The following CDYL variants were observed in gnomAD, a reference collection of about 807,000 sequenced individuals.
CDYL encodes chromodomain Y like, also known as chromodomain Y-like protein.
CDYL carries 8 observed loss-of-function variants against 47.3 expected under a neutral mutation model. That is an observed-to-expected ratio of 0.17 (90% CI 0.10 to 0.31). The LOEUF (loss-of-function observed/expected upper bound fraction) is 0.31. Ranked by LOEUF, CDYL falls within the 10% of genes least tolerant of loss-of-function variation. The pLI is 1.00. For synonymous variants in CDYL, 266 were observed against 265.0 expected (o/e 1.00, Z -0.04); for missense variants, 471 against 701.4 (o/e 0.67, Z 3.71).
chr6:4,905,958 A>G (rs1221322339), intron 2 of CDYL, among the ~76,000 whole-genome samples: 2 of 152,218 alleles, frequency 1.3e-5, no homozygotes, highest in Non-Finnish European at 2.9e-5. Context: ...TGTCAACAGT[A>G]ATTGTGGGAA....
At position 4,923,477 on chromosome 6, in the gene CDYL, G is replaced by A. The variant is rs1404828448; in HGVS notation, c.692-12038G>A. 2.0e-5 allele frequency among the ~76,000 whole-genome samples: 3 copies of A among 152,052 alleles called. No individual in the cohort carries two copies. The East Asian group carries it at 5.8e-4, about 29-fold the overall frequency. Reference sequence around the variant, plus strand: ...TCTTTATCCATTCATTTGTTGATGGGCACTTAGGTTGGTTTCATATCTTGG... The same window carrying A: ...TCTTTATCCATTCATTTGTTGATGGACACTTAGGTTGGTTTCATATCTTGG... On this transcript the variant is annotated intron_variant, in intron 2 of 6. Transcript: ENST00000397588.
intron 2 of CDYL, among the ~76,000 whole-genome samples, chr6:4,914,221 T>C (rs1442364615): frequency 6.3e-4 from 95 of 150,694 alleles, no homozygotes; most frequent in Non-Finnish European, 5.6e-4. Context: ...TTTTTTTTTT[T>C]CCACACTCTC....
chr6:4,842,478 T>C (rs1369671637), intron 1 of CDYL, among the ~76,000 whole-genome samples: 31 of 151,988 alleles, frequency 2.0e-4, no homozygotes, highest in Non-Finnish European at 1.5e-5. Flanking sequence ...TTTAGGATTG[T>C]GATATTTTTC....
At chr6:4,848,057 A>G (rs184334551) in intron 1 of CDYL, among the ~76,000 whole-genome samples, 36 of 152,338 alleles carry the variant, frequency 2.4e-4, no homozygotes, top group African/African-American at 8.4e-4. Flanking sequence ...ATGGGAAAAT[A>G]TTACTGGCTT....
chr6:4,835,866 G>T (rs927782667), intron 1 of CDYL, among the ~76,000 whole-genome samples: 2 of 152,186 alleles, frequency 1.3e-5, no homozygotes, highest in Admixed American at 1.3e-4. Flanking sequence ...CTCCGTGGGC[G>T]CAGGACCCTC....
At chr6:4,731,042 T>C (rs1007728247) in intron 2 of CDYL, among the ~76,000 whole-genome samples, 1 of 152,258 alleles carries the variant, frequency 6.6e-6, no homozygotes, top group Non-Finnish European at 1.5e-5. Context: ...CTGGAACAAG[T>C]GCAGGTATTC....
Position 4,776,546 on chromosome 6 carries a change from G to T in CDYL, c.-238G>T, listed in dbSNP as rs1758455572. 1.2e-5 allele frequency: 2 copies of T among 172,250 alleles called. No individual in the cohort carries two copies. Among genetic ancestry groups the T allele is most frequent in the South Asian group, 3.6e-4 (2 of 5,588 alleles). The allele number at this position is 172,250 out of a possible 1,614,324, so 10.7% of individuals were successfully genotyped here. ...AGCCCGAGCGCGAGCCGGCCCGCCG[G>T]GGAGTGAGCGCGGGGCGCCCAGGGC... On this transcript the variant is annotated 5_prime_UTR_variant, in exon 1 of 7. Coordinates refer to ENST00000397588, the MANE Select transcript of CDYL (RefSeq NM_004824.4).
intron 2 of CDYL, among the ~76,000 whole-genome samples, chr6:4,898,462 G>A (rs146975413): frequency 7.6e-4 from 116 of 152,296 alleles, no homozygotes; most frequent in African/African-American, 2.6e-3. Context: ...TTCCACATGT[G>A]TTATCTTGCT....
intron 2 of CDYL, among the ~76,000 whole-genome samples, chr6:4,720,892 A>G (rs9405767): frequency 0.13 from 19,511 of 152,182 alleles, 1,531 homozygotes; most frequent in African/African-American, 0.23. Context: ...ATAGCTGTTA[A>G]TATTATCATT....
At chr6:4,737,125 A>T (rs977608803) in intron 3 of CDYL, among the ~76,000 whole-genome samples, 2 of 152,238 alleles carry the variant, frequency 1.3e-5, no homozygotes, top group Non-Finnish European at 2.9e-5. Context: ...GTCTTTAAAA[A>T]TAATAATAAA....
chr6:4,864,063 C>T (rs772544490), intron 1 of CDYL, among the ~76,000 whole-genome samples: 3 of 152,174 alleles, frequency 2.0e-5, no homozygotes, highest in Non-Finnish European at 2.9e-5. Flanking sequence ...TCTGTAATGA[C>T]ACTGACTATG....
intron 1 of CDYL, among the ~76,000 whole-genome samples, chr6:4,850,093 ATAT>A (rs1003385089): frequency 6.6e-6 from 1 of 152,082 alleles, no homozygotes; most frequent in African/African-American, 2.4e-5. Context: ...GGTAAGAGGA[ATAT>A]TATTAGTAGT....
Position 4,827,151 on chromosome 6 carries a change from A to G in CDYL, c.24+50344A>G, listed in dbSNP as rs559678317. On this transcript the variant is annotated intron_variant, in intron 1 of 6. Transcript: ENST00000397588. ...CTCTTGCTTACTATTTACATTTAAT[A>G]TATTTTTTACTACTTTCCCTTTCAA... Among the ~76,000 whole-genome samples, 6 of 152,248 alleles carry G rather than the reference A, an allele frequency of 3.9e-5. No individual in the cohort carries two copies. The East Asian group carries it at 7.7e-4, about 20-fold the overall frequency.
intron 3 of CDYL, among the ~76,000 whole-genome samples, chr6:4,741,676 A>C (rs902384533): frequency 6.6e-5 from 10 of 152,194 alleles, no homozygotes; most frequent in African/African-American, 2.4e-4. Flanking sequence ...GAATTTAATT[A>C]CCTGACCATA....
intron 1 of CDYL, among the ~76,000 whole-genome samples, chr6:4,784,374 A>G (rs1221876322): frequency 6.6e-6 from 1 of 152,156 alleles, no homozygotes; most frequent in Non-Finnish European, 1.5e-5. Flanking sequence ...GTTAATTTGT[A>G]ATGAGAGGGC....
intron 1 of CDYL, among the ~76,000 whole-genome samples, chr6:4,842,001 TAAA>T (rs1760506163): frequency 6.9e-6 from 1 of 145,686 alleles, no homozygotes; most frequent in African/African-American, 2.5e-5. Flanking sequence ...TTAATATAAA[TAAA>T]TTAATTATAT....
chr6:4,840,644 A>G (rs1374670126), intron 1 of CDYL, among the ~76,000 whole-genome samples: 3 of 152,258 alleles, frequency 2.0e-5, no homozygotes, highest in East Asian at 3.9e-4. Context: ...TTTCTGCTCT[A>G]TTGAGATGAT....
chr6:4,802,389 A>T (rs542672970), intron 1 of CDYL, among the ~76,000 whole-genome samples: 1 of 152,206 alleles, frequency 6.6e-6, no homozygotes, highest in Non-Finnish European at 1.5e-5. Flanking sequence ...AATAAAAAAA[A>T]CTTAGCTGAG....
intron 1 of CDYL, among the ~76,000 whole-genome samples, chr6:4,867,128 CTTG>C (rs913444385): frequency 1.8e-4 from 27 of 152,036 alleles, no homozygotes; most frequent in Non-Finnish European, 3.1e-4. Flanking sequence ...TTTTAAAATA[CTTG>C]TTGTAACTGT....
Sources: gnomAD v4.1 joint callset for allele counts (sites outside exome capture counted in the v4.1 genomes callset) on GRCh38, gnomAD v4.1.1 for gene constraint, MANE v1.5 for transcripts, NCBI Gene and HGNC (gene_info 2026-07-23, HGNC 2026-07-21) for gene names.